RBFOX1: variants seen among roughly 807,000 people sequenced by gnomAD.
The protein encoded by RBFOX1 is RNA binding protein fox-1 homolog 1.
In RBFOX1, 8 loss-of-function variants were observed where a neutral mutation model predicts 57.7. The ratio of observed to expected loss-of-function variants is 0.14; its 90% CI spans 0.08 to 0.25. The LOEUF (loss-of-function observed/expected upper bound fraction) is 0.25. Ranked by LOEUF, RBFOX1 falls within the 10% of genes least tolerant of loss-of-function variation. The probability of loss-of-function intolerance (pLI) is 1.00; values close to 1 mark genes in which losing one functional copy is unlikely to be tolerated. For synonymous variants in RBFOX1, 326 were observed against 222.4 expected (o/e 1.47, Z -4.15); for missense variants, 611 against 548.5 (o/e 1.11, Z -1.14).
chr16:7,183,602 C>T (rs1398209343), intron 4 of RBFOX1, among the ~76,000 whole-genome samples: 1 of 152,052 alleles, frequency 6.6e-6, no homozygotes, highest in Non-Finnish European at 1.5e-5. Context: ...TCCAGGCTTT[C>T]AGAAGCCTGC....
At chr16:6,030,384 T>G (rs11645803) in intron 1 of RBFOX1, among the ~76,000 whole-genome samples, 21,100 of 152,190 alleles carry the variant, frequency 0.14, 3,459 homozygotes, top group African/African-American at 0.4. Context: ...CTGCCAGGAA[T>G]CTCAGAGCTG....
intron 3 of RBFOX1, among the ~76,000 whole-genome samples, chr16:5,858,543 G>A (rs777483046): frequency 5.9e-5 from 9 of 152,004 alleles, no homozygotes; most frequent in Admixed American, 3.3e-4. Flanking sequence ...TCTCAAAATC[G>A]TCTGCAAGAT....
chr16:5,744,228 C>T (rs1597069880), intron 3 of RBFOX1, among the ~76,000 whole-genome samples: 1 of 152,168 alleles, frequency 6.6e-6, no homozygotes, highest in Admixed American at 6.5e-5. Flanking sequence ...AACCCCTACT[C>T]AAACATTCTC....
intron 2 of RBFOX1, among the ~76,000 whole-genome samples, chr16:6,495,585 C>T (rs969326701): frequency 2.0e-5 from 3 of 152,210 alleles, no homozygotes; most frequent in Non-Finnish European, 4.4e-5. Flanking sequence ...GAATAATCAG[C>T]TAGCTGACTT....
intron 4 of RBFOX1, among the ~76,000 whole-genome samples, chr16:5,984,967 TATATATATA>T (rs376859371): frequency 0.081 from 4,465 of 55,042 alleles, 178 homozygotes; most frequent in East Asian, 0.3. Context: ...TATATATATA[TATATATATA>T]TTTTTTTTTT....
In RBFOX1 at chr16:5,345,381, ACCC is replaced by A. The variant is rs1596593327; in HGVS notation, c.219+105278_219+105280del. Among the ~76,000 whole-genome samples the A allele has an allele frequency of 3.3e-5, 5 of 152,128 alleles. No individual in the cohort carries two copies. In the East Asian group the frequency reaches 9.7e-4, roughly 29 times the overall value. ...CCCTGAAAACAAGGTAACACAAAGC[ACCC>A]CATTCAAACCCAACTAAAGCCCTCG... On this transcript the variant is annotated intron_variant, in intron 1 of 2. Transcript: ENST00000585867.
At position 7,385,774 on chromosome 16, in the gene RBFOX1, G is replaced by A. The variant is rs987409457; in HGVS notation, c.28-132373G>A. ...TTTTAAGGTTTTTGGTTTTTTTCGA[G>A]ATAGAGTCTCGCTGTGTCACCCAGG... On this transcript the variant is annotated intron_variant, in intron 4 of 15. Coordinates refer to ENST00000550418, the MANE Select transcript of RBFOX1 (RefSeq NM_018723.4). Among the ~76,000 whole-genome samples, 4 of 151,930 alleles carry A rather than the reference G, an allele frequency of 2.6e-5. No homozygotes were observed. The East Asian group carries it at 7.7e-4, about 29-fold the overall frequency.
chr16:6,886,430 T>A (rs755471729), intron 3 of RBFOX1, among the ~76,000 whole-genome samples: 38 of 152,126 alleles, frequency 2.5e-4, no homozygotes, highest in Non-Finnish European at 2.5e-4. Context: ...GTCCCGCTAT[T>A]GATTGCAAAG....
At chr16:7,316,507 C>G (rs1289752258) in intron 4 of RBFOX1, among the ~76,000 whole-genome samples, 2 of 152,182 alleles carry the variant, frequency 1.3e-5, no homozygotes, top group Non-Finnish European at 2.9e-5. Flanking sequence ...TAGCCTCTGT[C>G]TCAGAGATTG....
intron 3 of RBFOX1, among the ~76,000 whole-genome samples, chr16:6,661,059 C>A (rs1161694927): frequency 1.3e-5 from 2 of 152,120 alleles, no homozygotes. Context: ...GAAGGTGATA[C>A]CTTCATATCT....
At chr16:7,390,119 C>CT (rs1442435537) in intron 4 of RBFOX1, among the ~76,000 whole-genome samples, 1 of 152,044 alleles carries the variant, frequency 6.6e-6, no homozygotes, top group Non-Finnish European at 1.5e-5. Context: ...GGGAGAGGGG[C>CT]TACATACTTT....
chr16:6,225,304 C>T (rs2097408227), intron 1 of RBFOX1, among the ~76,000 whole-genome samples: 1 of 152,078 alleles, frequency 6.6e-6, no homozygotes, highest in Non-Finnish European at 1.5e-5. Context: ...TGATGTTTAG[C>T]AGGAAAGCAT....
intron 3 of RBFOX1, among the ~76,000 whole-genome samples, chr16:6,985,958 A>G (rs1397144123): frequency 5.9e-5 from 9 of 151,448 alleles, no homozygotes. Flanking sequence ...GATATAGAAT[A>G]AGGCACTTTC....
chr16:6,857,080 T>C (rs1057194432), intron 3 of RBFOX1, among the ~76,000 whole-genome samples: 77 of 152,278 alleles, frequency 5.1e-4, no homozygotes, highest in Admixed American at 2.7e-3. Context: ...GTCTTTCTTA[T>C]TTGTTGTGAA....
chr16:7,418,163 A>C (rs944801793), intron 4 of RBFOX1, among the ~76,000 whole-genome samples: 4 of 152,190 alleles, frequency 2.6e-5, no homozygotes, highest in African/African-American at 9.6e-5. Context: ...TGAGGATAAG[A>C]GGACTAGTTT....
At chr16:5,591,687 T>A (rs2047013491) in intron 2 of RBFOX1, among the ~76,000 whole-genome samples, 1 of 152,214 alleles carries the variant, frequency 6.6e-6, no homozygotes, top group African/African-American at 2.4e-5. Context: ...TTTTACTGTT[T>A]TCTCCCCGTC....
intron 1 of RBFOX1, among the ~76,000 whole-genome samples, chr16:6,182,809 A>AT (rs1334091564): frequency 6.6e-6 from 1 of 152,158 alleles, no homozygotes; most frequent in Non-Finnish European, 1.5e-5. Context: ...GTATAGTACT[A>AT]TTTTTACATA....
At chr16:6,887,479 G>A (rs1025518259) in intron 3 of RBFOX1, among the ~76,000 whole-genome samples, 1 of 152,012 alleles carries the variant, frequency 6.6e-6, no homozygotes, top group African/African-American at 2.4e-5. Flanking sequence ...ATGTTTTCTG[G>A]CTTTTTCTAT....
At chr16:6,613,521 C>T (rs970549747) in intron 2 of RBFOX1, among the ~76,000 whole-genome samples, 1 of 152,024 alleles carries the variant, frequency 6.6e-6, no homozygotes, top group Non-Finnish European at 1.5e-5. Context: ...CATGCAAGGA[C>T]ATTGTAAAAT....
Sources: allele counts gnomAD v4.1 joint callset (sites outside exome capture counted in the v4.1 genomes callset), GRCh38; gene constraint gnomAD v4.1.1; transcripts MANE v1.5; gene names NCBI Gene and HGNC (gene_info 2026-07-23, HGNC 2026-07-21).